Variants in ITGBL1 observed in about 807,000 individuals in gnomAD.
ITGBL1 encodes integrin beta-like protein 1.
A neutral mutation model predicts 68.5 loss-of-function variants in ITGBL1; 51 were observed. The ratio of observed to expected loss-of-function variants is 0.74; its 90% CI spans 0.59 to 0.94. The LOEUF is 0.94. Ranked by LOEUF, ITGBL1 falls within the 40% of genes least tolerant of loss-of-function variation. ITGBL1 has a pLI of 0.00. For synonymous variants in ITGBL1, 209 were observed against 227.3 expected (o/e 0.92, Z 0.72); for missense variants, 649 against 647.4 (o/e 1.00, Z -0.03).
chr13:101,634,156 C>T lies in ITGBL1; in HGVS notation c.1015+35857C>T, dbSNP rs529155239. Among the ~76,000 whole-genome samples, 7 of 152,154 alleles carry T rather than the reference C, an allele frequency of 4.6e-5. No individual in the cohort carries two copies. In the South Asian group the frequency reaches 8.3e-4, roughly 18 times the overall value. ...ATTGGCTTTCTCATTCAAATTCAAT[C>T]GAATATATTTTTAAGAACTGAAAGC... On this transcript the variant is annotated intron_variant, in intron 7 of 10. Coordinates refer to ENST00000376180, the MANE Select transcript of ITGBL1 (RefSeq NM_004791.3).
At position 101,453,873 on chromosome 13, in the gene ITGBL1, G is replaced by T; in HGVS notation, c.99-10G>T. The T allele has an allele frequency of 1.6e-6, 2 of 1,236,618 alleles. No homozygotes were observed. The highest frequency in any genetic ancestry group is 2.0e-6 in the Non-Finnish European group (2 of 991,926). The allele number at this position is 1,236,618 out of a possible 1,614,324, so 76.6% of individuals were successfully genotyped here. Reference sequence around the variant, plus strand: ...TGACCCGGCCTGCCGGTTGCTTGTCGCCCGCGCAGGAGCTGGCCGGGCGCC... The same window carrying T: ...TGACCCGGCCTGCCGGTTGCTTGTCTCCCGCGCAGGAGCTGGCCGGGCGCC... On this transcript the variant is annotated splice_polypyrimidine_tract_variant and intron_variant, in intron 1 of 10. Transcript: ENST00000376180.
In ITGBL1 at chr13:101,511,633, C is replaced by T. The variant is rs190705654; in HGVS notation, c.317-56066C>T. 9.8e-4 allele frequency among the ~76,000 whole-genome samples: 149 copies of T among 152,242 alleles called. 1 individual carries two copies. Among genetic ancestry groups the T allele is most frequent in the Admixed American group, 1.9e-3 (29 of 15,276 alleles). ...AGAGCTTCAAAGCAGCAGAGACTCT[C>T]GCCCTCCTTTCCTGGCTTTGAAGAA... On this transcript the variant is annotated intron_variant, in intron 2 of 10. Coordinates refer to ENST00000376180, the MANE Select transcript of ITGBL1 (RefSeq NM_004791.3).
At chr13:101,567,574 TATAC>T in intron 2 of ITGBL1, 121 bp from the exon 3 acceptor site, 1 of 790,694 alleles carries the variant, frequency 1.3e-6, no homozygotes, top group African/African-American at 1.8e-5. Flanking sequence ...GCCACTGCGA[TATAC>T]ATGAGTTTCA....
chr13:101,532,572 C>G (rs181274080), intron 2 of ITGBL1, among the ~76,000 whole-genome samples: 1 of 152,216 alleles, frequency 6.6e-6, no homozygotes, highest in African/African-American at 2.4e-5. Flanking sequence ...CTTCTTCACT[C>G]TCTGGTGCTT....
At chr13:101,597,710 G>A (rs2030071659) in intron 6 of ITGBL1, among the ~76,000 whole-genome samples, 1 of 151,936 alleles carries the variant, frequency 6.6e-6, no homozygotes, top group Non-Finnish European at 1.5e-5. Context: ...ACGCCACCAT[G>A]CCTGGCTAAT....
chr13:101,711,134 G>T (rs1412351555), intron 9 of ITGBL1: 1 of 152,198 alleles, frequency 6.6e-6, no homozygotes, highest in Non-Finnish European at 1.5e-5. Context: ...CAAAGTACAT[G>T]ATATAATTCA....
Position 101,714,530 on chromosome 13 carries a change from CATG to C in ITGBL1, c.1376_1378del (p.Asp459del), listed in dbSNP as rs1248685785. The C allele has an allele frequency of 1.2e-6, 2 of 1,602,856 alleles. No homozygotes were observed. Among genetic ancestry groups the C allele is most frequent in the South Asian group, 1.1e-5 (1 of 90,814 alleles). ...CTGTGATGACAGAGACTGCGACAAACATGATGGTCTCATTTGTACAGGTGCAGT... is the reference window on the plus strand; with the variant it reads ...CTGTGATGACAGAGACTGCGACAAACATGGTCTCATTTGTACAGGTGCAGT... On this transcript the variant is annotated inframe_deletion, in exon 10 of 11. Transcript: ENST00000376180.
At chr13:101,626,515 C>T (rs574818856) in intron 7 of ITGBL1, among the ~76,000 whole-genome samples, 1 of 152,236 alleles carries the variant, frequency 6.6e-6, no homozygotes, top group South Asian at 2.1e-4. Context: ...TCATCTATCT[C>T]TAAAAAGTAC....
At chr13:101,603,238 G>C (rs772169654) in intron 7 of ITGBL1, among the ~76,000 whole-genome samples, 2 of 151,774 alleles carry the variant, frequency 1.3e-5, no homozygotes, top group Non-Finnish European at 2.9e-5. Context: ...CCATTTCTTG[G>C]TATTGTCTGT....
At chr13:101,634,954 G>T (rs1477022362) in intron 7 of ITGBL1, among the ~76,000 whole-genome samples, 1 of 151,778 alleles carries the variant, frequency 6.6e-6, no homozygotes, top group Non-Finnish European at 1.5e-5. Flanking sequence ...GTGTGTGTGT[G>T]TGTGTGTGTG....
intron 7 of ITGBL1, among the ~76,000 whole-genome samples, chr13:101,613,057 A>G (rs1373168465): frequency 1.3e-5 from 2 of 152,160 alleles, no homozygotes; most frequent in African/African-American, 4.8e-5. Flanking sequence ...GTGACTTTGT[A>G]GAGTTTTGTA....
intron 7 of ITGBL1, among the ~76,000 whole-genome samples, chr13:101,687,321 A>T (rs1566790946): frequency 6.6e-6 from 1 of 151,560 alleles, no homozygotes; most frequent in East Asian, 2.0e-4. Flanking sequence ...ATTTTCATGT[A>T]GTTCTTATGA....
At position 101,467,740 on chromosome 13, in the gene ITGBL1, G is replaced by A. The variant is rs949420629; in HGVS notation, c.316+13640G>A. 2.0e-5 allele frequency among the ~76,000 whole-genome samples: 3 copies of A among 152,268 alleles called. No individual in the cohort carries two copies. In the South Asian group the frequency reaches 6.2e-4, roughly 32 times the overall value. On this transcript the variant is annotated intron_variant, in intron 2 of 10. Transcript: ENST00000376180. ...AGGTTATACGATAAAATCAGTCCCT[G>A]TACCAAGAGCCCTATCGTTGTAATT...
chr13:101,552,924 A>T (rs1267127878), intron 2 of ITGBL1, among the ~76,000 whole-genome samples: 3 of 152,206 alleles, frequency 2.0e-5, no homozygotes, highest in Non-Finnish European at 4.4e-5. Context: ...CTCTCTGTCT[A>T]TGAAACATCT....
rs2034713918 is a variant in ITGBL1, at chr13:101,716,179, A to AATTAATCG, written c.*528_*535dup. On this transcript the variant is annotated 3_prime_UTR_variant, in exon 11 of 11. Coordinates refer to ENST00000376180, the MANE Select transcript of ITGBL1 (RefSeq NM_004791.3). ...TAAGGAAAACATGCATATTCACATT[A>AATTAATCG]ATTAATCGATCAGATTTTTCCAGAA... The AATTAATCG allele has an allele frequency of 6.6e-6, 1 of 152,224 alleles. No individual in the cohort carries two copies. Among genetic ancestry groups the AATTAATCG allele is most frequent in the African/African-American group, 2.4e-5 (1 of 41,430 alleles). 9.4% of individuals were successfully genotyped at this position (152,224 alleles called of 1,614,324 possible).
chr13:101,609,257 T>C (rs1314175792), intron 7 of ITGBL1, among the ~76,000 whole-genome samples: 1 of 152,054 alleles, frequency 6.6e-6, no homozygotes. Context: ...AGTACTGATA[T>C]GAGAAGACTG....
chr13:101,640,863 T>A (rs559706282), intron 7 of ITGBL1, among the ~76,000 whole-genome samples: 78 of 152,298 alleles, frequency 5.1e-4, no homozygotes, highest in Middle Eastern at 3.4e-3. Context: ...CACTTATAAA[T>A]GAAAACCTGA....
chr13:101,528,534 A>T (rs1271531034), intron 2 of ITGBL1, among the ~76,000 whole-genome samples: 3 of 151,512 alleles, frequency 2.0e-5, no homozygotes, highest in Non-Finnish European at 4.4e-5. Flanking sequence ...CTTTTCCTAG[A>T]TTCATAAGGA....
intron 6 of ITGBL1, among the ~76,000 whole-genome samples, chr13:101,591,830 T>C (rs1026468089): frequency 6.6e-6 from 1 of 152,216 alleles, no homozygotes; most frequent in Non-Finnish European, 1.5e-5. Flanking sequence ...TCTACTTTGT[T>C]CTATATCTGC....
Sources: allele counts gnomAD v4.1 joint callset (sites outside exome capture counted in the v4.1 genomes callset), GRCh38; gene constraint gnomAD v4.1.1; transcripts MANE v1.5; gene names NCBI Gene and HGNC (gene_info 2026-07-23, HGNC 2026-07-21).